The following TPO variants were observed in gnomAD, a reference collection of about 807,000 sequenced individuals.
TPO encodes thyroid peroxidase.
In TPO, 78 loss-of-function variants were observed where a neutral mutation model predicts 96.9. The ratio of observed to expected loss-of-function variants is 0.81; its 90% CI spans 0.67 to 0.97. TPO has a LOEUF of 0.97. Among genes scored for constraint, TPO ranks in the 50% least tolerant of loss-of-function variants. The pLI is 0.00. For missense variants in TPO, 1,252 were observed against 1,274.8 expected, an observed-to-expected ratio of 0.98 and a Z score of 0.27; for synonymous variants, 547 against 538.0, an observed-to-expected ratio of 1.02 and a Z score of -0.23.
At chr2:1,477,051 G>T in intron 7 of TPO, 35 bp from the exon 8 acceptor site, 1 of 1,590,520 alleles carries the variant, frequency 6.3e-7, no homozygotes, top group Non-Finnish European at 8.5e-7. Context: ...GTGCACGGGG[G>T]CCCTGGGTGA....
chr2:1,502,923 C>T (rs1201273537), intron 13 of TPO, among the ~76,000 whole-genome samples: 2 of 152,236 alleles, frequency 1.3e-5, no homozygotes, highest in African/African-American at 4.8e-5. Context: ...AATGCAGCCC[C>T]TCACCCTGGG....
chr2:1,496,196 A>C lies in TPO; in HGVS notation c.2214A>C (p.Gln738His). Residue 738 changes from glutamine to histidine, a missense_variant and splice_region_variant, in exon 12 of 17, where the codon CAA (glutamine) becomes CAC (histidine). By Grantham distance (24) the Gln-to-His change is conservative. Coordinates refer to ENST00000329066, the MANE Select transcript of TPO (RefSeq NM_001206744.2). The stretch of plus-strand genomic sequence containing the variant: ...AGGCCTGGAGGGAAACCTTTCCTCA[A>C]GGTGAAGTTCGGTCTCCTCTCACAC... The part of the protein sequence containing the change: ...NLEAWRETFP[Q>H]DDKCGFPESV... The C allele has an allele frequency of 6.2e-7, 1 of 1,613,784 alleles. No homozygotes were observed. Among genetic ancestry groups the C allele is most frequent in the Non-Finnish European group, 8.5e-7 (1 of 1,179,944 alleles).
chr2:1,488,645 G>A (rs760090948), intron 10 of TPO, among the ~76,000 whole-genome samples: 14 of 152,278 alleles, frequency 9.2e-5, no homozygotes, highest in African/African-American at 2.4e-4. Context: ...GTCTAGGCCC[G>A]ATCCCCTGAC....
intron 1 of TPO, among the ~76,000 whole-genome samples, chr2:1,391,295 C>T (rs908873941): frequency 6.6e-6 from 1 of 152,098 alleles, no homozygotes; most frequent in East Asian, 1.9e-4. Flanking sequence ...GAATCATTTC[C>T]CCATTTCTTT....
intron 15 of TPO, among the ~76,000 whole-genome samples, chr2:1,539,704 C>T (rs1336709454): frequency 3.9e-5 from 6 of 152,230 alleles, no homozygotes; most frequent in East Asian, 1.9e-4. Flanking sequence ...TATTGTCTAA[C>T]GTTGCCGCGT....
upstream of TPO, among the ~76,000 whole-genome samples, chr2:1,408,791 T>A (rs1156776611): frequency 6.6e-6 from 1 of 152,198 alleles, no homozygotes; most frequent in African/African-American, 2.4e-5. Flanking sequence ...AATGCAACTT[T>A]TCAATGAAGC....
intron 1 of TPO, among the ~76,000 whole-genome samples, chr2:1,396,435 A>G (rs1662081376): frequency 6.6e-6 from 1 of 152,222 alleles, no homozygotes; most frequent in Non-Finnish European, 1.5e-5. Flanking sequence ...TGTCTTCCGC[A>G]GCTGAGAGGG....
chr2:1,537,716 CCTCCCCAAATCCCCCAACTGTCTGCAAA>C (rs1206089305), intron 15 of TPO, among the ~76,000 whole-genome samples: 1 of 111,308 alleles, frequency 9.0e-6, no homozygotes, highest in Non-Finnish European at 1.8e-5. Context: ...CTGTGAGCGA[CCTCCCCAAATCCCCCAACTGTCTGCAAA>C]CTCCCCACAT....
chr2:1,405,062 G>A (rs1037374249), intron 1 of TPO, among the ~76,000 whole-genome samples: 5 of 8,898 alleles, frequency 5.6e-4, no homozygotes, highest in South Asian at 4.2e-3. Flanking sequence ...CCACCCACCC[G>A]CATAGACATC....
chr2:1,469,279 C>G (rs553808957), intron 7 of TPO, among the ~76,000 whole-genome samples: 1 of 152,198 alleles, frequency 6.6e-6, no homozygotes, highest in South Asian at 2.1e-4. Context: ...TGTTAAAGAG[C>G]CTTATTTTGT....
intron 12 of TPO, 92 bp downstream of exon 12, chr2:1,496,289 C>G (rs1672329447): frequency 3.6e-6 from 5 of 1,407,954 alleles, no homozygotes; most frequent in Non-Finnish European, 4.8e-6. Flanking sequence ...TAACTTTTCA[C>G]TGTTTAGAAA....
chr2:1,426,427 A>T (rs957391313), intron 3 of TPO, among the ~76,000 whole-genome samples: 2 of 152,144 alleles, frequency 1.3e-5, no homozygotes, highest in African/African-American at 4.8e-5. Flanking sequence ...TATCCTCAGA[A>T]GTCCATGCTT....
At chr2:1,506,077 C>T (rs1379470288) in intron 14 of TPO, among the ~76,000 whole-genome samples, 2 of 151,908 alleles carry the variant, frequency 1.3e-5, no homozygotes, top group Non-Finnish European at 1.5e-5. Context: ...TGATGTTCCC[C>T]TTCCTGTGTC....
chr2:1,456,035 G>A (rs775953513), intron 6 of TPO, 41 bp from the exon 7 acceptor site: 7 of 1,596,798 alleles, frequency 4.4e-6, no homozygotes, highest in East Asian at 2.2e-5. Context: ...TGCTACCACA[G>A]GGTCCTCCTA....
chr2:1,391,794 A>C (rs1192688996), intron 1 of TPO, among the ~76,000 whole-genome samples: 2 of 152,118 alleles, frequency 1.3e-5, no homozygotes, highest in African/African-American at 4.8e-5. Context: ...ATGGGAGTTC[A>C]CTCATGATTT....
intron 15 of TPO, among the ~76,000 whole-genome samples, chr2:1,527,752 C>A (rs1374761693): frequency 1.4e-5 from 2 of 146,636 alleles, no homozygotes; most frequent in African/African-American, 5.1e-5. Context: ...CCACTCTGGG[C>A]AACCTCCCCA....
chr2:1,514,715 C>G (rs745685820), intron 14 of TPO, among the ~76,000 whole-genome samples: 12 of 152,238 alleles, frequency 7.9e-5, no homozygotes, highest in Non-Finnish European at 5.9e-5. Flanking sequence ...AGCACACAGC[C>G]TTCAATCTGG....
At chr2:1,386,456 C>T (rs1023343363) in intron 1 of TPO, among the ~76,000 whole-genome samples, 41 of 152,138 alleles carry the variant, frequency 2.7e-4, no homozygotes, top group Non-Finnish European at 7.3e-5. Flanking sequence ...ATCCCTTTAC[C>T]ATTATGTAAT....
intron 14 of TPO, among the ~76,000 whole-genome samples, chr2:1,509,720 G>A (rs1384698767): frequency 6.6e-6 from 1 of 151,514 alleles, no homozygotes; most frequent in Admixed American, 6.6e-5. Flanking sequence ...CTTCTGTCAG[G>A]CACAGCCCAC....
Sources: allele counts gnomAD v4.1 joint callset (sites outside exome capture counted in the v4.1 genomes callset), GRCh38; gene constraint gnomAD v4.1.1; transcripts MANE v1.5; gene names NCBI Gene and HGNC (gene_info 2026-07-23, HGNC 2026-07-21).